The following LHX9 variants were observed in gnomAD, a reference collection of about 807,000 sequenced individuals.
The protein encoded by LHX9 is LIM homeobox 9, also known as LIM/homeobox protein Lhx9.
LHX9 carries 9 observed loss-of-function variants against 36.5 expected under a neutral mutation model. That is an observed-to-expected ratio of 0.25 (90% confidence interval 0.15 to 0.43). LHX9 has a LOEUF of 0.43. Among genes scored for constraint, LHX9 ranks in the 20% least tolerant of loss-of-function variants. The pLI is 1.00. For synonymous variants in LHX9, 211 were observed against 212.1 expected (o/e 0.99, Z 0.04); for missense variants, 464 against 526.4 (o/e 0.88, Z 1.16).
upstream of LHX9, among the ~76,000 whole-genome samples, chr1:197,914,860 A>ATAGC (rs1386493292): frequency 1.3e-5 from 2 of 152,220 alleles, no homozygotes; most frequent in African/African-American, 4.8e-5. Flanking sequence ...AAGAGCAGGA[A>ATAGC]TAGCTAGGAT....
upstream of LHX9, chr1:197,916,171 G>A (rs74922488): frequency 0.016 from 2,484 of 153,614 alleles, 31 homozygotes; most frequent in Middle Eastern, 0.04. Flanking sequence ...GGGGCCTCTG[G>A]CCGTTTGAAT....
chr1:197,917,925 G>T lies in LHX9; in HGVS notation c.102G>T (p.Met34Ile), dbSNP rs777583081. 6.2e-7 allele frequency: 1 copy of T among 1,614,222 alleles called. No individual in the cohort carries two copies. Among genetic ancestry groups the T allele is most frequent in the Non-Finnish European group, 8.5e-7 (1 of 1,180,034 alleles). ...GISGGHIQGI[M>I]EEMERRSKTE... ...CCGGAGGCCACATCCAAGGCATCAT[G>T]GAGGAGATGGAGCGCAGATCCAAGA... Residue 34 changes from methionine to isoleucine, a missense_variant, in exon 1 of 5, where the codon ATG becomes ATT. Transcript: ENST00000367387.
chr1:197,932,887 TAC>T lies in LHX9; in HGVS notation c.*3629_*3630del, dbSNP rs1660362173. 2 of 152,196 alleles carry T rather than the reference TAC, an allele frequency of 1.3e-5. No homozygotes were observed. Among genetic ancestry groups the T allele is most frequent in the Admixed American group, 1.3e-4 (2 of 15,286 alleles). 9.4% of individuals were successfully genotyped at this position (152,196 alleles called of 1,614,324 possible). On this transcript the variant is annotated 3_prime_UTR_variant, in exon 5 of 5. Transcript: ENST00000367387. ...TAAAATTTCAGCAACTTTTTTAGAT[TAC>T]TAGGGTAAAATTTATAGATCCTATG...
In LHX9 at chr1:197,917,536, C is replaced by T. The variant is rs773033326; in HGVS notation, c.-288C>T. ...GTTTCCCATTAGTAACTCGATCTCTCAGAGCAGTAAGATTCGCCTTCTACG... is the reference window on the plus strand; with the variant it reads ...GTTTCCCATTAGTAACTCGATCTCTTAGAGCAGTAAGATTCGCCTTCTACG... On this transcript the variant is annotated 5_prime_UTR_variant, in exon 1 of 5. Coordinates refer to ENST00000367387, the MANE Select transcript of LHX9 (RefSeq NM_020204.3). The T allele has an allele frequency of 2.1e-6, 3 of 1,447,002 alleles. No homozygotes were observed. Among genetic ancestry groups the T allele is most frequent in the Non-Finnish European group, 2.8e-6 (3 of 1,081,406 alleles). The allele number at this position is 1,447,002 out of a possible 1,614,324, so 89.6% of individuals were successfully genotyped here. A position where few individuals can be genotyped will look rare whatever the true frequency, so the allele number is the denominator to read the frequency against.
At chr1:197,928,061 T>G (rs1473899936) in intron 4 of LHX9, among the ~76,000 whole-genome samples, 1 of 152,192 alleles carries the variant, frequency 6.6e-6, no homozygotes, top group Non-Finnish European at 1.5e-5. Context: ...CTTGTCTCAC[T>G]GCTGTGCAAA....
upstream of LHX9, chr1:197,916,770 T>C (rs372017629): frequency 2.8e-6 from 2 of 702,734 alleles, no homozygotes; most frequent in African/African-American, 1.7e-5. Context: ...AAGAGATGAA[T>C]TGTCAGACAG....
Position 197,932,100 on chromosome 1 carries a change from C to T in LHX9, c.*2841C>T, listed in dbSNP as rs1427740978. The T allele has an allele frequency of 4.6e-6, 3 of 649,470 alleles. No individual in the cohort carries two copies. The South Asian group carries it at 7.3e-5, about 16-fold the overall frequency. The allele number at this position is 649,470 out of a possible 1,614,324, so 40.2% of individuals were successfully genotyped here. A position where few individuals can be genotyped will look rare whatever the true frequency, so the allele number is the denominator to read the frequency against. On this transcript the variant is annotated 3_prime_UTR_variant, in exon 5 of 5. Coordinates refer to ENST00000367387, the MANE Select transcript of LHX9 (RefSeq NM_020204.3). ...CCAAAAAAAAAGAGAGAGAGAGAGA[C>T]TTAAATGTCATTTACTGAATGTTAA...
At position 197,932,758 on chromosome 1, in the gene LHX9, A is replaced by G. The variant is rs980540699; in HGVS notation, c.*3499A>G. Reference sequence around the variant, plus strand: ...TTACTTACTTGGTTTTTACCTTTTCATGACTTATTTTCATTTGTTGTATTC... The same window carrying G: ...TTACTTACTTGGTTTTTACCTTTTCGTGACTTATTTTCATTTGTTGTATTC... On this transcript the variant is annotated 3_prime_UTR_variant, in exon 5 of 5. Transcript: ENST00000367387. 6.6e-6 allele frequency: 1 copy of G among 152,062 alleles called. No homozygotes were observed. Among genetic ancestry groups the G allele is most frequent in the Non-Finnish European group, 1.5e-5 (1 of 67,924 alleles). 9.4% of individuals were successfully genotyped at this position (152,062 alleles called of 1,614,324 possible).
Position 197,921,768 on chromosome 1 carries a change from C to A in LHX9, c.733+109C>A. Reference sequence around the variant, plus strand: ...CTGCAAGAGTGTGTTTTGCCCAATGCCTCTGTTCTCACTGCAACTCCCTCT... The same window carrying A: ...CTGCAAGAGTGTGTTTTGCCCAATGACTCTGTTCTCACTGCAACTCCCTCT... On this transcript the variant is annotated intron_variant, in intron 3 of 4. Transcript: ENST00000367387. The surrounding 1 kb of genome is among the most constrained non-coding windows in gnomAD (Gnocchi z 4.6). 1 of 896,638 alleles carries A rather than the reference C, an allele frequency of 1.1e-6. No individual in the cohort carries two copies. Among genetic ancestry groups the A allele is most frequent in the Non-Finnish European group, 1.7e-6 (1 of 605,502 alleles). 55.5% of individuals were successfully genotyped at this position (896,638 alleles called of 1,614,324 possible).
upstream of LHX9, chr1:197,917,164 C>T (rs1206036168): frequency 1.1e-6 from 1 of 899,282 alleles, no homozygotes; most frequent in East Asian, 1.2e-4. Context: ...AATGCCCCCT[C>T]CTCCTGCCTC....
chr1:197,912,963 G>A (rs780429098), upstream of LHX9: 12 of 228,300 alleles, frequency 5.3e-5, no homozygotes, highest in Non-Finnish European at 9.4e-5. Flanking sequence ...TCTCACACGT[G>A]TAGGGGTTAA....
chr1:197,923,499 G>GAC (rs902102267), intron 3 of LHX9, among the ~76,000 whole-genome samples: 4 of 151,026 alleles, frequency 2.6e-5, no homozygotes, highest in Non-Finnish European at 4.4e-5. Context: ...AATTCCCAGA[G>GAC]AGAGAGAGAG....
intron 3 of LHX9, among the ~76,000 whole-genome samples, chr1:197,922,266 T>C (rs1169856187): frequency 2.0e-5 from 3 of 152,088 alleles, no homozygotes; most frequent in African/African-American, 4.8e-5. Context: ...CAACCAGCCG[T>C]CTCATTCCCG....
intron 1 of LHX9, 43 bp downstream of exon 1, chr1:197,918,040 G>C: frequency 6.3e-7 from 1 of 1,591,184 alleles, no homozygotes; most frequent in Non-Finnish European, 8.5e-7. Context: ...GCACCCCTGC[G>C]CCCTCTGTTA....
rs1432421708 is a variant in LHX9, at chr1:197,921,233, C to T, written c.378-71C>T. On this transcript the variant is annotated intron_variant, in intron 2 of 4. Coordinates refer to ENST00000367387, the MANE Select transcript of LHX9 (RefSeq NM_020204.3). The surrounding 1 kb of genome is among the most constrained non-coding windows in gnomAD (Gnocchi z 4.6). ...AGTCTCAGGCCACTGCAGACCAAAC[C>T]CAGGTGTCGCGGGTGGGATATGGCT... is the stretch of plus-strand genomic sequence containing the variant. 7.4e-7 allele frequency: 1 copy of T among 1,352,494 alleles called. No homozygotes were observed. Among genetic ancestry groups the T allele is most frequent in the Non-Finnish European group, 1.0e-6 (1 of 977,466 alleles). 83.8% of individuals were successfully genotyped at this position (1,352,494 alleles called of 1,614,324 possible).
intron 1 of LHX9, among the ~76,000 whole-genome samples, chr1:197,919,345 C>T (rs1300746839): frequency 6.6e-6 from 1 of 152,110 alleles, no homozygotes; most frequent in East Asian, 1.9e-4. Flanking sequence ...ACAGCGGACC[C>T]TCTTTGGGAA....
At chr1:197,928,913 AG>A in intron 4 of LHX9, 88 bp from the exon 5 acceptor site, 15 of 1,371,962 alleles carry the variant, frequency 1.1e-5, no homozygotes, top group East Asian at 1.1e-4. Flanking sequence ...AAAGAAAGAA[AG>A]AAAAAGAAAA....
chr1:197,928,554 G>T (rs1016811459), intron 4 of LHX9, among the ~76,000 whole-genome samples: 2 of 152,132 alleles, frequency 1.3e-5, no homozygotes, highest in African/African-American at 4.8e-5. Flanking sequence ...CTCACGAATG[G>T]CTTGAAGTCT....
At chr1:197,924,784 G>A (rs1660095636) in intron 3 of LHX9, among the ~76,000 whole-genome samples, 1 of 152,166 alleles carries the variant, frequency 6.6e-6, no homozygotes, top group Non-Finnish European at 1.5e-5. Flanking sequence ...TAGGATGGGT[G>A]CCCATCGCAT....
Sources: gnomAD v4.1 joint callset for allele counts (sites outside exome capture counted in the v4.1 genomes callset) on GRCh38, gnomAD v4.1.1 for gene constraint, Gnocchi (gnomAD v3.1) non-coding constraint, MANE v1.5 for transcripts, NCBI Gene and HGNC (gene_info 2026-07-23, HGNC 2026-07-21) for gene names.